ZDHHC2: variants seen among roughly 807,000 people sequenced by gnomAD.
ZDHHC2 encodes zDHHC palmitoyltransferase 2.
ZDHHC2 carries 51 observed loss-of-function variants against 55.6 expected under a neutral mutation model. The ratio of observed to expected loss-of-function variants is 0.92; its 90% CI spans 0.73 to 1.16. The LOEUF is 1.16. ZDHHC2 is among the 50% of genes most tolerant of loss of function. The pLI is 0.00. For synonymous variants in ZDHHC2, 199 were observed against 152.9 expected, an observed-to-expected ratio of 1.30 and a Z score of -2.22; for missense variants, 491 against 442.4, an observed-to-expected ratio of 1.11 and a Z score of -0.99.
At chr8:17,181,523 G>C (rs778903965) in intron 1 of ZDHHC2, among the ~76,000 whole-genome samples, 5 of 152,020 alleles carry the variant, frequency 3.3e-5, no homozygotes. Flanking sequence ...CTCAATAACT[G>C]GTTTAAAGGA....
chr8:17,191,389 G>A (rs1048923519), intron 3 of ZDHHC2, among the ~76,000 whole-genome samples: 6 of 152,112 alleles, frequency 3.9e-5, no homozygotes, highest in Admixed American at 6.6e-5. Context: ...AAGCCACTGC[G>A]CCCAGCCTTA....
chr8:17,204,374 T>G (rs976258749), intron 6 of ZDHHC2, among the ~76,000 whole-genome samples: 16 of 152,242 alleles, frequency 1.1e-4, no homozygotes, highest in Non-Finnish European at 2.2e-4. Flanking sequence ...GTGTATGTTC[T>G]GTGCAATAGG....
chr8:17,207,295 G>A (rs1366620392), intron 7 of ZDHHC2, among the ~76,000 whole-genome samples: 1 of 152,094 alleles, frequency 6.6e-6, no homozygotes, highest in East Asian at 1.9e-4. Flanking sequence ...AGGTCTCTTT[G>A]GATTTATAAA....
chr8:17,210,431 G>C lies in ZDHHC2; in HGVS notation c.901G>C (p.Asp301His). The part of the protein sequence containing the change: ...CSFPTCLVNQ[D>H]PEQASTPAGL... Reference sequence around the variant, plus strand: ...CTTTCCAACTTGCCTTGTTAACCAGGATCCTGAACAAGCATCTACTCCTGC... The same window carrying C: ...CTTTCCAACTTGCCTTGTTAACCAGCATCCTGAACAAGCATCTACTCCTGC... The change falls in exon 10 of 13, where the codon GAT (aspartate) becomes CAT (histidine). Residue 301 changes from aspartate (D) to histidine (H), a missense_variant. Asp to His is a moderately conservative substitution (Grantham distance 81). Coordinates refer to ENST00000262096, the MANE Select transcript of ZDHHC2 (RefSeq NM_016353.5). 1 of 1,613,158 alleles carries C rather than the reference G, an allele frequency of 6.2e-7. No individual in the cohort carries two copies. The highest frequency in any genetic ancestry group is 8.5e-7 in the Non-Finnish European group (1 of 1,179,536).
At chr8:17,176,741 G>T (rs1032431029) in intron 1 of ZDHHC2, among the ~76,000 whole-genome samples, 1 of 152,100 alleles carries the variant, frequency 6.6e-6, no homozygotes, top group South Asian at 2.1e-4. Context: ...GAGGAAAGAC[G>T]TGTGAGGTGA....
intron 7 of ZDHHC2, among the ~76,000 whole-genome samples, chr8:17,206,241 A>G (rs1033749378): frequency 6.6e-6 from 1 of 152,242 alleles, no homozygotes. Context: ...TGTGTTATGG[A>G]GAAAATAGGT....
chr8:17,172,393 A>G (rs1436541868), intron 1 of ZDHHC2, among the ~76,000 whole-genome samples: 2 of 152,318 alleles, frequency 1.3e-5, no homozygotes, highest in East Asian at 3.9e-4. Context: ...GCTAAAGGAA[A>G]GAGAGACCGT....
chr8:17,201,682 A>G (rs953332028), intron 6 of ZDHHC2, among the ~76,000 whole-genome samples: 1 of 115,252 alleles, frequency 8.7e-6, no homozygotes, highest in African/African-American at 3.4e-5. Context: ...TTTTTTTTGT[A>G]TTTTTGGGTT....
At chr8:17,187,906 C>T (rs909418076) in intron 3 of ZDHHC2, among the ~76,000 whole-genome samples, 4 of 152,222 alleles carry the variant, frequency 2.6e-5, no homozygotes, top group Admixed American at 6.5e-5. Flanking sequence ...GACGTCATCA[C>T]CTTCTCCTTC....
chr8:17,212,589 C>G (rs137871959), intron 10 of ZDHHC2, among the ~76,000 whole-genome samples: 11 of 152,266 alleles, frequency 7.2e-5, no homozygotes, highest in African/African-American at 2.2e-4. Context: ...GGTCCTAGCC[C>G]TCATCCCTGC....
intron 6 of ZDHHC2, among the ~76,000 whole-genome samples, chr8:17,203,904 T>G (rs989989927): frequency 7.3e-5 from 11 of 150,760 alleles, no homozygotes; most frequent in African/African-American, 2.7e-4. Flanking sequence ...ACCTCCCGGA[T>G]TCAAGCGATT....
intron 1 of ZDHHC2, among the ~76,000 whole-genome samples, chr8:17,181,607 TTGTTAAATCAAA>T (rs1805436353): frequency 6.6e-6 from 1 of 152,198 alleles, no homozygotes; most frequent in African/African-American, 2.4e-5. Context: ...ATCAGCATCA[TTGTTAAATCAAA>T]CAAATTGAAA....
intron 6 of ZDHHC2, among the ~76,000 whole-genome samples, chr8:17,201,263 T>A (rs71526108): frequency 1.6e-4 from 24 of 152,082 alleles, no homozygotes; most frequent in African/African-American, 5.8e-4. Context: ...AACCCCCTTG[T>A]TATTTATTTA....
Position 17,220,647 on chromosome 8 carries a change from AATG to A in ZDHHC2, c.*429_*431del, listed in dbSNP as rs1381641374. On this transcript the variant is annotated 3_prime_UTR_variant, in exon 13 of 13. Transcript: ENST00000262096. ...TTTCAGAGATTTCAAGTCACATTAT[AATG>A]ATAAGCATTATTCATAAAACTTGTT... The A allele has an allele frequency of 2.0e-5, 3 of 152,188 alleles. No homozygotes were observed. Among genetic ancestry groups the A allele is most frequent in the Non-Finnish European group, 2.9e-5 (2 of 68,034 alleles). 9.4% of individuals were successfully genotyped at this position (152,188 alleles called of 1,614,324 possible). A position where few individuals can be genotyped will look rare whatever the true frequency, so the allele number is the denominator to read the frequency against.
At chr8:17,187,898 C>A (rs190489011) in intron 3 of ZDHHC2, among the ~76,000 whole-genome samples, 2 of 152,148 alleles carry the variant, frequency 1.3e-5, no homozygotes, top group East Asian at 3.9e-4. Flanking sequence ...CAAAAACAGA[C>A]GTCATCACCT....
intron 1 of ZDHHC2, among the ~76,000 whole-genome samples, chr8:17,168,179 G>A (rs1235722785): frequency 2.0e-5 from 3 of 152,098 alleles, no homozygotes; most frequent in Non-Finnish European, 4.4e-5. Flanking sequence ...ACTGAAAAAG[G>A]TCAAGGAAGA....
At chr8:17,175,163 T>G (rs1044613132) in intron 1 of ZDHHC2, among the ~76,000 whole-genome samples, 1 of 152,140 alleles carries the variant, frequency 6.6e-6, no homozygotes, top group African/African-American at 2.4e-5. Flanking sequence ...GGGGAAATCA[T>G]CAGACTCCAT....
At chr8:17,183,338 A>G (rs1039394768) in intron 1 of ZDHHC2, among the ~76,000 whole-genome samples, 6 of 152,144 alleles carry the variant, frequency 3.9e-5, no homozygotes, top group East Asian at 1.9e-4. Flanking sequence ...AAAGAAATGC[A>G]TACCTGTGGC....
In ZDHHC2 at chr8:17,199,618, CT is replaced by C. The variant is rs1388016490; in HGVS notation, c.476+1207del. Reference sequence around the variant, plus strand: ...TTCTTCTTTATTCTTTCTTCTTCTTCTTCTTCCTTTCTTCTTCTTCTCCTCC... The same window carrying C: ...TTCTTCTTTATTCTTTCTTCTTCTTCTCTTCCTTTCTTCTTCTTCTCCTCC... On this transcript the variant is annotated intron_variant, in intron 6 of 12. Coordinates refer to ENST00000262096, the MANE Select transcript of ZDHHC2 (RefSeq NM_016353.5). Among the ~76,000 whole-genome samples, 257 of 49,234 alleles carry C rather than the reference CT, an allele frequency of 5.2e-3. 5 individuals carry two copies. Among genetic ancestry groups the C allele is most frequent in the Middle Eastern group, 0.019 (1 of 52 alleles). The allele number at this position is 49,234 out of a possible 152,430, so 32.3% of individuals were successfully genotyped here. A position where few individuals can be genotyped will look rare whatever the true frequency, so the allele number is the denominator to read the frequency against.
Sources: allele counts gnomAD v4.1 joint callset (sites outside exome capture counted in the v4.1 genomes callset), GRCh38; gene constraint gnomAD v4.1.1; transcripts MANE v1.5; gene names NCBI Gene and HGNC (gene_info 2026-07-23, HGNC 2026-07-21).